ZNF536: variants seen among roughly 807,000 people sequenced by gnomAD.
The protein encoded by ZNF536 is zinc finger protein 536.
In ZNF536, 13 loss-of-function variants were observed where a neutral mutation model predicts 84.5. That is an observed-to-expected ratio of 0.15 (90% CI 0.10 to 0.24). The LOEUF (loss-of-function observed/expected upper bound fraction) is 0.24, where lower values mean the gene tolerates loss of function less well. ZNF536 is among the 10% of genes least tolerant of loss of function. ZNF536 has a pLI of 1.00. For synonymous variants in ZNF536, 811 were observed against 742.5 expected, an observed-to-expected ratio of 1.09 and a Z score of -1.50; for missense variants, 1,536 against 1,747.5, an observed-to-expected ratio of 0.88 and a Z score of 2.16.
At chr19:30,287,738 A>C (rs2045697988) in intron 2 of ZNF536, among the ~76,000 whole-genome samples, 1 of 129,290 alleles carries the variant, frequency 7.7e-6, no homozygotes, top group Non-Finnish European at 1.6e-5. Flanking sequence ...GGGTGGCTGG[A>C]TGGGTGGGTG....
chr19:30,379,864 A>G (rs1021366502), intron 1 of ZNF536, among the ~76,000 whole-genome samples: 1 of 152,158 alleles, frequency 6.6e-6, no homozygotes, highest in African/African-American at 2.4e-5. Flanking sequence ...TGTGCCAGGC[A>G]CTGTGCTAAG....
chr19:30,382,851 T>C (rs2049076177), intron 1 of ZNF536, among the ~76,000 whole-genome samples: 2 of 152,158 alleles, frequency 1.3e-5, no homozygotes, highest in South Asian at 4.1e-4. Context: ...GTGAAGGAAA[T>C]TTGGTATAGG....
chr19:30,261,222 C>T (rs1162363537), intron 1 of ZNF536, among the ~76,000 whole-genome samples: 3 of 130,270 alleles, frequency 2.3e-5, no homozygotes, highest in Non-Finnish European at 4.7e-5. Flanking sequence ...GGCGTGAACC[C>T]GGGAGGCGGA....
In ZNF536 at chr19:30,695,524, G is replaced by A. The variant is rs545497707; in HGVS notation, c.170-15233G>A. Among the ~76,000 whole-genome samples, 8 of 152,282 alleles carry A rather than the reference G, an allele frequency of 5.3e-5. No individual in the cohort carries two copies. The South Asian group carries it at 1.7e-3, about 32-fold the overall frequency. On this transcript the variant is annotated intron_variant, in intron 1 of 1. Transcript: ENST00000592773. ...TTCTAGGAGGAGTTGGGGCTTTGGC[G>A]GGTCTCAATGGAAGAAGATGTGGGG...
chr19:30,462,183 G>C (rs1472348450), intron 2 of ZNF536, among the ~76,000 whole-genome samples: 1 of 152,160 alleles, frequency 6.6e-6, no homozygotes, highest in Non-Finnish European at 1.5e-5. Flanking sequence ...CTGGCACGAG[G>C]CCCTGGCCCC....
At chr19:30,663,491 C>T (rs1002083558) in intron 1 of ZNF536, among the ~76,000 whole-genome samples, 1 of 152,162 alleles carries the variant, frequency 6.6e-6, no homozygotes, top group African/African-American at 2.4e-5. Context: ...AAATATTTAC[C>T]TTAGAAATGA....
At chr19:30,257,556 A>G (rs1371738416) in intron 1 of ZNF536, among the ~76,000 whole-genome samples, 1 of 152,222 alleles carries the variant, frequency 6.6e-6, no homozygotes, top group Non-Finnish European at 1.5e-5. Flanking sequence ...AAGAGAGTAA[A>G]TCAGAAATAA....
intron 2 of ZNF536, among the ~76,000 whole-genome samples, chr19:30,498,110 A>G (rs923197593): frequency 3.9e-5 from 6 of 152,234 alleles, no homozygotes; most frequent in Non-Finnish European, 7.3e-5. Flanking sequence ...AGGAATATAA[A>G]TCATTCTATC....
At chr19:30,396,592 CTTTT>C (rs386388859) in intron 1 of ZNF536, among the ~76,000 whole-genome samples, 14 of 112,388 alleles carry the variant, frequency 1.2e-4, no homozygotes, top group African/African-American at 1.0e-4. Context: ...AGGGCTCTCT[CTTTT>C]TTTTTTTTTT....
intron 3 of ZNF536, among the ~76,000 whole-genome samples, chr19:30,353,769 C>T (rs2048009790): frequency 6.6e-6 from 1 of 152,132 alleles, no homozygotes; most frequent in African/African-American, 2.4e-5. Flanking sequence ...GACTATTTTC[C>T]CTCTTGGGAG....
intron 2 of ZNF536, among the ~76,000 whole-genome samples, chr19:30,334,404 C>G (rs2047312768): frequency 6.6e-6 from 1 of 152,154 alleles, no homozygotes; most frequent in Admixed American, 6.5e-5. Context: ...TCCTGTGTGG[C>G]AGGTGAGTAT....
intron 3 of ZNF536, among the ~76,000 whole-genome samples, chr19:30,545,764 TC>T (rs977588737): frequency 5.3e-5 from 8 of 152,030 alleles, no homozygotes; most frequent in Non-Finnish European, 1.0e-4. Context: ...ATCCCCACAG[TC>T]CCCACCCAGA....
rs550601119 is a variant in ZNF536, at chr19:30,430,960, G to A, written c.-2-12601G>A. ...CAAAGAGCTGGGATTATTGGCATGAGCCACCTCGCCTGCCCATTGGGAGTC... is the reference window on the plus strand; with the variant it reads ...CAAAGAGCTGGGATTATTGGCATGAACCACCTCGCCTGCCCATTGGGAGTC... On this transcript the variant is annotated intron_variant, in intron 1 of 4. Transcript: ENST00000355537. Among the ~76,000 whole-genome samples the A allele has an allele frequency of 6.6e-4, 101 of 152,332 alleles. 1 individual carries two copies. The highest frequency in any genetic ancestry group is 1.1e-3 in the Non-Finnish European group (72 of 68,026).
intron 2 of ZNF536, among the ~76,000 whole-genome samples, chr19:30,456,825 T>A (rs1053948217): frequency 6.6e-6 from 1 of 151,966 alleles, no homozygotes; most frequent in Non-Finnish European, 1.5e-5. Flanking sequence ...GCAGATCACT[T>A]GAGGTCAGGA....
chr19:30,624,608 GT>G (rs2048607731), intron 1 of ZNF536, among the ~76,000 whole-genome samples: 1 of 152,168 alleles, frequency 6.6e-6, no homozygotes, highest in Non-Finnish European at 1.5e-5. Context: ...GGCTTGTTCA[GT>G]TTTAAATATG....
At chr19:30,405,632 G>A (rs966177103) in intron 1 of ZNF536, among the ~76,000 whole-genome samples, 1 of 152,068 alleles carries the variant, frequency 6.6e-6, no homozygotes, top group South Asian at 2.1e-4. Context: ...GTTTATGGGC[G>A]CAGTGTTGTA....
At chr19:30,617,955 CA>C (rs2048361997) in intron 1 of ZNF536, among the ~76,000 whole-genome samples, 1 of 152,134 alleles carries the variant, frequency 6.6e-6, no homozygotes, top group South Asian at 2.1e-4. Flanking sequence ...CCACGGACAA[CA>C]AAAAGAGTGT....
chr19:30,662,056 G>A (rs191498955), intron 1 of ZNF536, among the ~76,000 whole-genome samples: 54 of 152,246 alleles, frequency 3.5e-4, no homozygotes, highest in Admixed American at 1.8e-3. Flanking sequence ...TAAATTATTT[G>A]ATGCACCCAA....
In ZNF536 at chr19:30,314,219, G is replaced by A. The variant is rs1008514483; in HGVS notation, c.-120+30078G>A. ...GCCCCGGGGACCCCTCTGGGGCAGG[G>A]CAGCAGTCCTGAGCTGCAGGTGCAC... On this transcript the variant is annotated intron_variant, in intron 2 of 5. Transcript: ENST00000585628. Among the ~76,000 whole-genome samples, 38 of 152,282 alleles carry A rather than the reference G, an allele frequency of 2.5e-4. 1 individual carries two copies. The highest frequency in any genetic ancestry group is 9.1e-4 in the African/African-American group (38 of 41,568).
Sources: gnomAD v4.1 joint callset for allele counts (sites outside exome capture counted in the v4.1 genomes callset) on GRCh38, gnomAD v4.1.1 for gene constraint, MANE v1.5 for transcripts, NCBI Gene and HGNC (gene_info 2026-07-23, HGNC 2026-07-21) for gene names.